The following SLC9A6 variants were observed in gnomAD, a reference collection of about 807,000 sequenced individuals.
SLC9A6 encodes sodium/hydrogen exchanger 6.
Under a neutral mutation model 45.3 loss-of-function variants are expected in SLC9A6, and 6 were observed. The observed-to-expected ratio is 0.13, with a 90% CI of 0.07 to 0.26. The LOEUF (loss-of-function observed/expected upper bound fraction) is 0.26, where lower values mean the gene tolerates loss of function less well. Ranked by LOEUF, SLC9A6 falls within the 10% of genes least tolerant of loss-of-function variation. The probability of loss-of-function intolerance (pLI) is 1.00; values close to 1 mark genes in which losing one functional copy is unlikely to be tolerated. For missense variants in SLC9A6, 278 were observed against 503.7 expected, an observed-to-expected ratio of 0.55 and a Z score of 4.29; for synonymous variants, 191 against 187.7, an observed-to-expected ratio of 1.02 and a Z score of -0.14.
chrX:136,011,472 C>T lies in SLC9A6; in HGVS notation c.885+889C>T, dbSNP rs181342124. ...GGCCAGGCTGATCTCGAACTCCTGACGTCAAGTGATCCACCCACCTCGGCC... is the reference window on the plus strand; with the variant it reads ...GGCCAGGCTGATCTCGAACTCCTGATGTCAAGTGATCCACCCACCTCGGCC... On this transcript the variant is annotated intron_variant, in intron 8 of 17. Coordinates refer to ENST00000630721, the MANE Select transcript of SLC9A6 (RefSeq NM_001379110.1). 8.8e-4 allele frequency among the ~76,000 whole-genome samples: 97 copies of T among 110,291 alleles called. No homozygotes were observed. In the South Asian group the frequency reaches 0.011, roughly 13 times the overall value.
chrX:136,041,884 C>G (rs7881802), intron 17 of SLC9A6, among the ~76,000 whole-genome samples: 8,237 of 111,460 alleles, frequency 0.074, 331 homozygotes, highest in African/African-American at 0.16. Context: ...TCTTCTAACT[C>G]CTGGTGGCTT....
chrX:136,025,798 C>T (rs1472640142), intron 13 of SLC9A6, among the ~76,000 whole-genome samples: 1 of 111,516 alleles, frequency 9.0e-6, no homozygotes, highest in Non-Finnish European at 1.9e-5. Flanking sequence ...GCAGAGGAGC[C>T]TCCAGTCTTT....
At chrX:136,005,137 A>T (rs2089638309) in intron 7 of SLC9A6, among the ~76,000 whole-genome samples, 1 of 112,228 alleles carries the variant, frequency 8.9e-6, no homozygotes, top group African/African-American at 3.2e-5. Flanking sequence ...CTTATCTTAA[A>T]CTGATGTGCC....
chrX:136,033,251 A>G (rs1030543804), intron 15 of SLC9A6, 163 bp from the exon 16 acceptor site: 2 of 323,568 alleles, frequency 6.2e-6, no homozygotes, highest in Non-Finnish European at 1.1e-5. Context: ...TCAATTTCCT[A>G]TTCCAAAGCT....
rs781895587 is a variant in SLC9A6 at position 136,044,763 on chromosome X, CAT to C, written c.*40_*41del. 4.0e-5 allele frequency: 47 copies of C among 1,176,791 alleles called. No homozygotes were observed. The highest frequency in any genetic ancestry group is 5.1e-5 in the Non-Finnish European group (44 of 864,921). ...CACTTAGTGATTTGTAAAATTTGCA[CAT>C]GTGATTGTGAAGAAATTTGTACTAC... On this transcript the variant is annotated 3_prime_UTR_variant, in exon 18 of 18. Coordinates refer to ENST00000630721, the MANE Select transcript of SLC9A6 (RefSeq NM_001379110.1).
intron 13 of SLC9A6, among the ~76,000 whole-genome samples, chrX:136,025,261 C>T (rs1458495493): frequency 2.7e-5 from 3 of 112,577 alleles, no homozygotes; most frequent in African/African-American, 9.7e-5. Flanking sequence ...CCTTGTATCT[C>T]AAGAGTTCTG....
intron 17 of SLC9A6, among the ~76,000 whole-genome samples, chrX:136,042,249 A>C: frequency 9.3e-6 from 1 of 108,033 alleles, no homozygotes; most frequent in Non-Finnish European, 1.9e-5. Flanking sequence ...ATCTTGGCTC[A>C]CTGCAACCTC....
intron 16 of SLC9A6, among the ~76,000 whole-genome samples, chrX:136,039,632 A>G (rs186093913): frequency 2.7e-5 from 3 of 112,269 alleles, no homozygotes; most frequent in African/African-American, 6.5e-5. Context: ...TTTTATTACT[A>G]TGTTCTACTG....
chrX:136,036,302 C>T (rs1556621812), intron 16 of SLC9A6, among the ~76,000 whole-genome samples: 1 of 111,161 alleles, frequency 9.0e-6, no homozygotes, highest in Non-Finnish European at 1.9e-5. Flanking sequence ...GTTTTTTGAC[C>T]ATTTAGATAT....
chrX:135,976,459 G>T (rs782079498), intron 1 of SLC9A6, among the ~76,000 whole-genome samples: 1 of 109,975 alleles, frequency 9.1e-6, no homozygotes, highest in Admixed American at 9.7e-5. Context: ...AAAATTTGCC[G>T]GGCGTGGTGG....
upstream of SLC9A6, chrX:135,985,095 A>T (rs943141872): frequency 3.2e-4 from 40 of 126,334 alleles, 1 homozygote; most frequent in African/African-American, 1.2e-3. Context: ...CAAGGGGACA[A>T]CTTATCCTGT....
At chrX:136,023,662 A>C (rs1210360173) in intron 12 of SLC9A6, among the ~76,000 whole-genome samples, 1 of 110,477 alleles carries the variant, frequency 9.1e-6, no homozygotes. Context: ...AGGTTAGACT[A>C]AAAAAGGGTA....
At chrX:136,025,399 A>T (rs1230114581) in intron 13 of SLC9A6, among the ~76,000 whole-genome samples, 1 of 112,530 alleles carries the variant, frequency 8.9e-6, no homozygotes, top group Non-Finnish European at 1.9e-5. Context: ...CTCATTAGAG[A>T]AAACAGTATT....
At chrX:135,976,446 C>G (rs1556613359) in intron 1 of SLC9A6, among the ~76,000 whole-genome samples, 2 of 109,993 alleles carry the variant, frequency 1.8e-5, no homozygotes, top group African/African-American at 3.3e-5. Context: ...ACTAAAAATA[C>G]AAAAAATTTG....
At chrX:135,974,050 G>A, upstream of SLC9A6, 1 of 329,481 alleles carries the variant, frequency 3.0e-6, no homozygotes, top group Non-Finnish European at 4.9e-6. Flanking sequence ...AGAGGGACGG[G>A]GGCCTGCGTA....
chrX:135,988,111 C>T (rs2089366766), intron 2 of SLC9A6, among the ~76,000 whole-genome samples: 1 of 111,744 alleles, frequency 8.9e-6, no homozygotes, highest in Non-Finnish European at 1.9e-5. Context: ...TATCATTAAC[C>T]TCATCTAACT....
chrX:136,032,175 C>A (rs1464595399), intron 15 of SLC9A6, among the ~76,000 whole-genome samples: 2 of 112,276 alleles, frequency 1.8e-5, no homozygotes, highest in African/African-American at 6.5e-5. Context: ...TCAAGCAATT[C>A]TCTTGCCTCA....
At chrX:136,013,622 T>A (rs1265306797) in intron 10 of SLC9A6, among the ~76,000 whole-genome samples, 185 bp downstream of exon 10, 1 of 111,288 alleles carries the variant, frequency 9.0e-6, no homozygotes, top group Non-Finnish European at 1.9e-5. Flanking sequence ...GCATTTAGGG[T>A]GGAAATAGAT....
chrX:136,020,173 C>A (rs182645867), intron 11 of SLC9A6, among the ~76,000 whole-genome samples: 5 of 111,188 alleles, frequency 4.5e-5, no homozygotes, highest in East Asian at 2.8e-4. Context: ...CATTCCCCCC[C>A]CTTCCCCCGC....
Sources: allele counts gnomAD v4.1 joint callset (sites outside exome capture counted in the v4.1 genomes callset), GRCh38; gene constraint gnomAD v4.1.1; transcripts MANE v1.5; gene names NCBI Gene and HGNC (gene_info 2026-07-23, HGNC 2026-07-21).